The following SPTAN1 variants were observed in gnomAD, a reference collection of about 807,000 sequenced individuals.
SPTAN1 encodes the protein spectrin alpha, non-erythrocytic 1.
A neutral mutation model predicts 331.3 loss-of-function variants in SPTAN1; 61 were observed. The observed-to-expected ratio is 0.18, with a 90% CI of 0.15 to 0.23. SPTAN1 has a LOEUF of 0.23. Among genes scored for constraint, SPTAN1 ranks in the 10% least tolerant of loss-of-function variants. SPTAN1 has a pLI of 1.00. For missense variants in SPTAN1, 2,043 were observed against 3,147.9 expected, an observed-to-expected ratio of 0.65 and a Z score of 8.40; for synonymous variants, 1,153 against 1,173.9, an observed-to-expected ratio of 0.98 and a Z score of 0.36.
At chr9:128,557,376 T>C (rs762426669) in intron 1 of SPTAN1, among the ~76,000 whole-genome samples, 2 of 152,220 alleles carry the variant, frequency 1.3e-5, no homozygotes, top group Non-Finnish European at 2.9e-5. Flanking sequence ...ATAGAGAAAC[T>C]GACTGCACTC....
intron 2 of SPTAN1, 147 bp from the exon 3 acceptor site, chr9:128,568,625 C>A: frequency 9.4e-7 from 1 of 1,066,912 alleles, no homozygotes; most frequent in Non-Finnish European, 1.4e-6. Context: ...AGGAATTGAG[C>A]AGGTAAGAGA....
At chr9:128,630,175 G>C (rs1317122919) in intron 51 of SPTAN1, 146 bp from the exon 52 acceptor site, 1 of 867,844 alleles carries the variant, frequency 1.2e-6, no homozygotes, top group Non-Finnish European at 2.0e-6. Flanking sequence ...GGGCCCATTA[G>C]GTAAAGATGG....
Position 128,632,688 on chromosome 9 carries a change from A to G in SPTAN1, c.7130A>G (p.Glu2377Gly). Residue 2377 changes from glutamate to glycine, a missense_variant, in exon 55 of 57, where the codon GAG becomes GGG. This residue lies in a region of SPTAN1 where 58 missense variants were observed against 74.0 expected (regional missense o/e 0.78). Transcript: ENST00000372739. ...VEEGEPDPEF[E>G]AILDTVDPNR... ...GAAGGGGAACCTGACCCTGAGTTCGAGGCAATCCTGGACACGGTGGATCCG... is the reference window on the plus strand; with the variant it reads ...GAAGGGGAACCTGACCCTGAGTTCGGGGCAATCCTGGACACGGTGGATCCG... The G allele has an allele frequency of 1.2e-6, 2 of 1,614,002 alleles. No individual in the cohort carries two copies. The highest frequency in any genetic ancestry group is 1.3e-5 in the African/African-American group (1 of 75,044).
At position 128,625,249 on chromosome 9, in the gene SPTAN1, T is replaced by G; in HGVS notation, c.6069+70T>G. On this transcript the variant is annotated intron_variant, in intron 47 of 56. Coordinates refer to ENST00000372739, the MANE Select transcript of SPTAN1 (RefSeq NM_001130438.3). This position sits in a 1 kb window ranked among gnomAD's most constrained non-coding sequence, Gnocchi z 4.1. Reference sequence around the variant, plus strand: ...TCTGTGAGATGACTGGTGGCGTCTTTCACTGAGGCATTTATCTTCTGTTAG... The same window carrying G: ...TCTGTGAGATGACTGGTGGCGTCTTGCACTGAGGCATTTATCTTCTGTTAG... 1 of 1,464,250 alleles carries G rather than the reference T, an allele frequency of 6.8e-7. No individual in the cohort carries two copies. The allele number at this position is 1,464,250 out of a possible 1,614,324, so 90.7% of individuals were successfully genotyped here. A position where few individuals can be genotyped will look rare whatever the true frequency, so the allele number is the denominator to read the frequency against.
Position 128,613,392 on chromosome 9 carries a change from G to A in SPTAN1, c.5055G>A (p.Leu1685=). The change falls in exon 40 of 57, where the codon CTG becomes CTA. Residue 1685 remains leucine, a synonymous_variant. Transcript: ENST00000372739. ...GTTTTCATTGCCAGGTGGAGGCCCT[G>A]CTGGCATCCGAAGATTATGGCAAAG... The part of the protein sequence containing the change: ...FDFWLSEVEA[L]LASEDYGKDL... The A allele has an allele frequency of 6.2e-7, 1 of 1,613,996 alleles. No homozygotes were observed. The highest frequency in any genetic ancestry group is 8.5e-7 in the Non-Finnish European group (1 of 1,179,800).
chr9:128,617,996 G>A lies in SPTAN1; in HGVS notation c.5488G>A (p.Asp1830Asn). The change falls in exon 43 of 57, where the codon GAC becomes AAC. Residue 1830 changes from aspartate (D) to asparagine (N), a missense_variant. Around this residue, in one of 12 missense-constraint regions of SPTAN1, gnomAD observed 323 missense variants for 581.1 expected, o/e 0.56. Transcript: ENST00000372739. The part of the protein sequence containing the change: ...AHEPAIQGVL[D>N]TGKKLSDDNT... ...CGTCCTTGCCTGTCAGGGTGTCCTG[G>A]ACACTGGCAAGAAGCTGTCCGATGA... The A allele has an allele frequency of 1.2e-6, 2 of 1,614,162 alleles. No homozygotes were observed. Among genetic ancestry groups the A allele is most frequent in the Non-Finnish European group, 1.7e-6 (2 of 1,180,022 alleles).
chr9:128,562,316 T>A (rs573109975), intron 1 of SPTAN1, among the ~76,000 whole-genome samples: 7 of 152,274 alleles, frequency 4.6e-5, no homozygotes, highest in African/African-American at 1.7e-4. Context: ...TTGGCCAGGC[T>A]GGTCTGGAGC....
chr9:128,595,732 C>T (rs376994715), intron 24 of SPTAN1, among the ~76,000 whole-genome samples: 2 of 152,138 alleles, frequency 1.3e-5, no homozygotes, highest in African/African-American at 4.8e-5. Flanking sequence ...CAGTGGCCCA[C>T]GCAGCCACTC....
intron 20 of SPTAN1, among the ~76,000 whole-genome samples, chr9:128,588,436 C>T (rs1308173876): frequency 6.7e-6 from 1 of 148,598 alleles, no homozygotes; most frequent in Non-Finnish European, 1.5e-5. Flanking sequence ...CTCATCCTCC[C>T]GAGTAGCTGG....
intron 44 of SPTAN1, 35 bp from the exon 45 acceptor site, chr9:128,621,123 C>T (rs1857798184): frequency 1.9e-6 from 3 of 1,598,876 alleles, no homozygotes; most frequent in Non-Finnish European, 2.6e-6. Flanking sequence ...ACATAGCAGG[C>T]TCTCAATAGT....
chr9:128,581,199 C>A, intron 11 of SPTAN1, 140 bp downstream of exon 11: 1 of 1,171,864 alleles, frequency 8.5e-7, no homozygotes, highest in South Asian at 1.5e-5. Context: ...ATTGAGCAAG[C>A]TTCTCTCAGC....
At chr9:128,617,507 T>C in intron 41 of SPTAN1, 133 bp from the exon 42 acceptor site, 1 of 1,340,946 alleles carries the variant, frequency 7.5e-7, no homozygotes. Context: ...AGGCTTTTGT[T>C]GTTCAGAAAA....
chr9:128,623,159 A>G (rs1858157937), intron 45 of SPTAN1, among the ~76,000 whole-genome samples: 1 of 151,388 alleles, frequency 6.6e-6, no homozygotes, highest in South Asian at 2.1e-4. Context: ...GGGTTTCAGC[A>G]GTTCTCCCAC....
intron 11 of SPTAN1, 46 bp from the exon 12 acceptor site, chr9:128,581,736 C>T (rs759108378): frequency 6.8e-7 from 1 of 1,479,334 alleles, no homozygotes; most frequent in African/African-American, 1.4e-5. Context: ...CTTAGAAGAT[C>T]AAAGGAATAG....
At position 128,598,921 on chromosome 9, in the gene SPTAN1, A is replaced by G. The variant is rs1564260119; in HGVS notation, c.3520-42A>G. The G allele has an allele frequency of 8.8e-6, 14 of 1,584,678 alleles. No individual in the cohort carries two copies. The South Asian group carries it at 1.4e-4, about 16-fold the overall frequency. On this transcript the variant is annotated intron_variant, in intron 25 of 56. Coordinates refer to ENST00000372739, the MANE Select transcript of SPTAN1 (RefSeq NM_001130438.3). Reference sequence around the variant, plus strand: ...TAATAAGTATTCTTGAGAGATGTGTATTTCTTCTAATAATAAAACTGGTTT... The same window carrying G: ...TAATAAGTATTCTTGAGAGATGTGTGTTTCTTCTAATAATAAAACTGGTTT...
intron 12 of SPTAN1, 43 bp from the exon 13 acceptor site, chr9:128,582,435 GA>G (rs1381954720): frequency 5.1e-6 from 8 of 1,565,486 alleles, no homozygotes; most frequent in Non-Finnish European, 7.0e-6. Context: ...CCAAGCTTGG[GA>G]CTAGTGTGCT....
chr9:128,594,391 G>C lies in SPTAN1; in HGVS notation c.3414+18G>C, dbSNP rs1853934293. On this transcript the variant is annotated intron_variant, in intron 24 of 56. Transcript: ENST00000372739. ...TCCAGAAGGTATGGGCAGTCTTCAG[G>C]CTCAGCTGAAAATTTGTTTAAAGAT... 6.3e-7 allele frequency: 1 copy of C among 1,598,164 alleles called. No individual in the cohort carries two copies. Among genetic ancestry groups the C allele is most frequent in the African/African-American group, 1.3e-5 (1 of 74,612 alleles).
In SPTAN1 at chr9:128,586,851, T is replaced by A. The variant is rs1000387894; in HGVS notation, c.2779-755T>A. On this transcript the variant is annotated intron_variant, in intron 19 of 56. Transcript: ENST00000372739. ...TTTTTTTTCTGAGACAGAGTCTCAC[T>A]CTGTCATCCAGGTTGGAGTGCAGTG... is the stretch of plus-strand genomic sequence containing the variant. Among the ~76,000 whole-genome samples the A allele has an allele frequency of 2.6e-5, 4 of 151,034 alleles. No homozygotes were observed. In the East Asian group the frequency reaches 7.8e-4, roughly 29 times the overall value.
At chr9:128,601,693 T>C (rs1212760728) in intron 27 of SPTAN1, among the ~76,000 whole-genome samples, 3 of 152,096 alleles carry the variant, frequency 2.0e-5, no homozygotes, top group South Asian at 2.1e-4. Context: ...CCCAGAAATA[T>C]GAAGAAAGCA....
Sources: allele counts gnomAD v4.1 joint callset (sites outside exome capture counted in the v4.1 genomes callset), GRCh38; gene constraint gnomAD v4.1.1; regional missense constraint gnomAD v4.1.1; non-coding constraint Gnocchi (gnomAD v3.1); transcripts MANE v1.5; gene names NCBI Gene and HGNC (gene_info 2026-07-23, HGNC 2026-07-21).